EIF4ENIF1: variants seen among roughly 807,000 people sequenced by gnomAD.
EIF4ENIF1 encodes eukaryotic translation initiation factor 4E nuclear import factor 1, also known as eukaryotic translation initiation factor 4E transporter.
A neutral mutation model predicts 110.5 loss-of-function variants in EIF4ENIF1; 23 were observed. The ratio of observed to expected loss-of-function variants is 0.21; its 90% CI spans 0.15 to 0.29. EIF4ENIF1 has a LOEUF of 0.29. Among genes scored for constraint, EIF4ENIF1 ranks in the 10% least tolerant of loss-of-function variants. EIF4ENIF1 has a pLI of 1.00. For synonymous variants in EIF4ENIF1, 440 were observed against 437.0 expected (o/e 1.01, Z -0.09); for missense variants, 1,031 against 1,221.1 (o/e 0.84, Z 2.32).
intron 1 of EIF4ENIF1, among the ~76,000 whole-genome samples, chr22:31,488,983 G>C (rs891875771): frequency 6.6e-6 from 1 of 152,206 alleles, no homozygotes; most frequent in African/African-American, 2.4e-5. Flanking sequence ...CCAATTCAAG[G>C]TATATAACCT....
intron 2 of EIF4ENIF1, among the ~76,000 whole-genome samples, chr22:31,484,252 A>T (rs1253920197): frequency 6.6e-6 from 1 of 152,138 alleles, no homozygotes; most frequent in African/African-American, 2.4e-5. Context: ...GCATATTAAC[A>T]TTTGCGAAAC....
intron 2 of EIF4ENIF1, among the ~76,000 whole-genome samples, chr22:31,473,086 G>A (rs2051446221): frequency 7.1e-6 from 1 of 140,654 alleles, no homozygotes; most frequent in South Asian, 2.2e-4. Flanking sequence ...TTTTTGACTA[G>A]AGAGTAAATT....
chr22:31,442,457 A>G (rs982859204), intron 16 of EIF4ENIF1, among the ~76,000 whole-genome samples: 13 of 152,124 alleles, frequency 8.5e-5, no homozygotes, highest in African/African-American at 2.9e-4. Flanking sequence ...AGCCTTCTCA[A>G]ACACAGGCAA....
intron 4 of EIF4ENIF1, among the ~76,000 whole-genome samples, chr22:31,466,428 A>T (rs1052888565): frequency 6.8e-6 from 1 of 148,064 alleles, no homozygotes; most frequent in Non-Finnish European, 1.5e-5. Context: ...GGGGAAAAAA[A>T]AATTAGCTGG....
At chr22:31,457,243 T>A (rs933739062) in intron 7 of EIF4ENIF1, among the ~76,000 whole-genome samples, 4 of 152,242 alleles carry the variant, frequency 2.6e-5, no homozygotes, top group African/African-American at 4.8e-5. Flanking sequence ...ATAGTTTACA[T>A]TTAATAAGGA....
At chr22:31,475,624 C>T (rs958929898) in intron 2 of EIF4ENIF1, among the ~76,000 whole-genome samples, 3 of 151,132 alleles carry the variant, frequency 2.0e-5, no homozygotes, top group African/African-American at 4.9e-5. Flanking sequence ...TGGTAGCGGA[C>T]GCCTGTAATC....
chr22:31,477,299 G>A (rs2051612385), intron 2 of EIF4ENIF1, among the ~76,000 whole-genome samples: 1 of 145,946 alleles, frequency 6.9e-6, no homozygotes, highest in African/African-American at 2.5e-5. Flanking sequence ...TTCAGGAGGT[G>A]GAAGTTGCAG....
At chr22:31,450,755 CAT>C (rs2050624157) in intron 10 of EIF4ENIF1, 2 of 261,442 alleles carry the variant, frequency 7.6e-6, no homozygotes, top group African/African-American at 4.5e-5. Context: ...TATATACACA[CAT>C]ACATATATAC....
intron 12 of EIF4ENIF1, 143 bp from the exon 13 acceptor site, chr22:31,448,375 C>T: frequency 3.6e-6 from 3 of 831,718 alleles, no homozygotes; most frequent in East Asian, 2.6e-5. Context: ...CCCTCTCCCT[C>T]TGTGCCCCAA....
chr22:31,437,252 A>G, downstream of EIF4ENIF1: 1 of 152,136 alleles, frequency 6.6e-6, no homozygotes, highest in Non-Finnish European at 1.5e-5. Flanking sequence ...CAGCTGTTTT[A>G]CTTTCAGGAT....
intron 15 of EIF4ENIF1, among the ~76,000 whole-genome samples, chr22:31,443,630 T>C (rs2050372112): frequency 6.6e-6 from 1 of 152,210 alleles, no homozygotes; most frequent in South Asian, 2.1e-4. Context: ...ACATCTTTGA[T>C]GGCAGGAGAC....
At chr22:31,468,373 T>C (rs1228554708) in intron 3 of EIF4ENIF1, 71 bp from the exon 4 acceptor site, 13 of 1,592,120 alleles carry the variant, frequency 8.2e-6, no homozygotes, top group Admixed American at 1.7e-5. Context: ...TTTCTAAACC[T>C]CCTCAGCTAA....
In EIF4ENIF1 at chr22:31,449,551, A is replaced by C; in HGVS notation, c.1585-20T>G. 1 of 1,604,784 alleles carries C rather than the reference A, an allele frequency of 6.2e-7. No individual in the cohort carries two copies. The highest frequency in any genetic ancestry group is 8.5e-7 in the Non-Finnish European group (1 of 1,176,626). On this transcript the variant is annotated intron_variant, in intron 11 of 18. Transcript: ENST00000330125. Reference sequence around the variant, plus strand: ...AAGTTCCTAAAGGCAGAAAAGCCAAATCCCTGTGAACTTAGTTATTCCTTC... The same window carrying C: ...AAGTTCCTAAAGGCAGAAAAGCCAACTCCCTGTGAACTTAGTTATTCCTTC...
intron 2 of EIF4ENIF1, among the ~76,000 whole-genome samples, chr22:31,478,023 TG>T (rs2051656862): frequency 6.6e-6 from 1 of 152,204 alleles, no homozygotes; most frequent in African/African-American, 2.4e-5. Context: ...TAAAAATTAT[TG>T]CTTCCAACTG....
intron 10 of EIF4ENIF1, among the ~76,000 whole-genome samples, chr22:31,451,664 CTT>C (rs554930183): frequency 4.6e-4 from 64 of 139,262 alleles, no homozygotes; most frequent in Admixed American, 4.3e-4. Flanking sequence ...GTAGTGGTTA[CTT>C]TTTTTTTTTT....
At chr22:31,444,237 G>A (rs952306441) in intron 15 of EIF4ENIF1, among the ~76,000 whole-genome samples, 11 of 152,142 alleles carry the variant, frequency 7.2e-5, no homozygotes, top group South Asian at 6.2e-4. Context: ...TCCCCTGCAA[G>A]TTTCAATAGA....
chr22:31,463,911 G>A lies in EIF4ENIF1; in HGVS notation c.355C>T (p.Arg119Trp), dbSNP rs768971208. The A allele has an allele frequency of 3.7e-6, 6 of 1,614,008 alleles. No individual in the cohort carries two copies. The highest frequency in any genetic ancestry group is 1.3e-5 in the African/African-American group (1 of 74,922). ...ACGTGGCAGCCCCCTCCAAAGCTCCGTCTCTGAGGGCTGAGAACAACATCT... is the reference window on the plus strand; with the variant it reads ...ACGTGGCAGCCCCCTCCAAAGCTCCATCTCTGAGGGCTGAGAACAACATCT... ...DLDVVLSPQR[R>W]SFGGGCHVTA... The change falls in exon 5 of 19, where the codon CGG (arginine) becomes TGG (tryptophan). Residue 119 changes from arginine to tryptophan, a missense_variant. Arg to Trp is a moderately radical substitution (Grantham distance 101, BLOSUM62 -3). Coordinates refer to ENST00000330125, the MANE Select transcript of EIF4ENIF1 (RefSeq NM_019843.4).
At chr22:31,451,985 G>C (rs867943888) in intron 10 of EIF4ENIF1, among the ~76,000 whole-genome samples, 107 of 152,166 alleles carry the variant, frequency 7.0e-4, no homozygotes, top group African/African-American at 2.5e-3. Flanking sequence ...TGTTGATTTT[G>C]GAACTGGGAC....
intron 7 of EIF4ENIF1, among the ~76,000 whole-genome samples, chr22:31,458,143 G>T (rs2050884135): frequency 1.3e-5 from 2 of 151,368 alleles, no homozygotes; most frequent in Non-Finnish European, 2.9e-5. Flanking sequence ...CAGAAGAATC[G>T]CTTGAACCCA....
Sources: allele counts gnomAD v4.1 joint callset (sites outside exome capture counted in the v4.1 genomes callset), GRCh38; gene constraint gnomAD v4.1.1; transcripts MANE v1.5; gene names NCBI Gene and HGNC (gene_info 2026-07-23, HGNC 2026-07-21).